NRXN1: variants seen among roughly 807,000 people sequenced by gnomAD.
The protein encoded by NRXN1 is neurexin 1.
NRXN1 carries 39 observed loss-of-function variants against 150.9 expected under a neutral mutation model. The ratio of observed to expected loss-of-function variants is 0.26; its 90% CI spans 0.20 to 0.34. The LOEUF is 0.34. NRXN1 is among the 10% of genes least tolerant of loss of function. NRXN1 has a pLI of 1.00. For missense variants in NRXN1, 1,815 were observed against 1,949.9 expected (o/e 0.93, Z 1.30); for synonymous variants, 924 against 757.0 (o/e 1.22, Z -3.62).
intron 17 of NRXN1, among the ~76,000 whole-genome samples, chr2:50,302,276 T>C (rs2074225014): frequency 6.6e-6 from 1 of 152,180 alleles, no homozygotes; most frequent in Non-Finnish European, 1.5e-5. Context: ...TTTCAACTTT[T>C]CAATAATGAA....
At chr2:50,048,006 T>C (rs892412531) in intron 21 of NRXN1, among the ~76,000 whole-genome samples, 2 of 152,108 alleles carry the variant, frequency 1.3e-5, no homozygotes, top group African/African-American at 4.8e-5. Context: ...TTTTGTCATC[T>C]AGTAAAACCT....
At chr2:50,560,660 G>A (rs1668938567) in intron 8 of NRXN1, among the ~76,000 whole-genome samples, 1 of 152,056 alleles carries the variant, frequency 6.6e-6, no homozygotes, top group Admixed American at 6.6e-5. Context: ...TCGAACTCCT[G>A]ACCTCAAGTG....
At chr2:50,225,605 G>T (rs2064297846) in intron 18 of NRXN1, among the ~76,000 whole-genome samples, 1 of 151,738 alleles carries the variant, frequency 6.6e-6, no homozygotes. Flanking sequence ...AGGCCTCAAA[G>T]ATGAATAAAA....
chr2:50,980,703 T>C (rs62142995), intron 2 of NRXN1, among the ~76,000 whole-genome samples: 20,586 of 152,082 alleles, frequency 0.14, 1,572 homozygotes, highest in Middle Eastern at 0.17. Flanking sequence ...CTAATGTAAT[T>C]TGTTAAAATG....
chr2:50,747,020 G>GTA (rs1475281010), intron 5 of NRXN1, among the ~76,000 whole-genome samples: 1 of 152,092 alleles, frequency 6.6e-6, no homozygotes, highest in Non-Finnish European at 1.5e-5. Context: ...ACTCTAAGAA[G>GTA]TATATTTAAA....
At chr2:50,143,012 T>A (rs908242552) in intron 18 of NRXN1, among the ~76,000 whole-genome samples, 8 of 151,908 alleles carry the variant, frequency 5.3e-5, no homozygotes, top group African/African-American at 1.9e-4. Context: ...ACAAAATATA[T>A]GTTTTATTTC....
chr2:49,927,763 A>T (rs1335269079), intron 22 of NRXN1, among the ~76,000 whole-genome samples: 1 of 152,178 alleles, frequency 6.6e-6, no homozygotes, highest in African/African-American at 2.4e-5. Flanking sequence ...TGACAAGTTC[A>T]CCAAGGCATT....
At chr2:50,315,967 GA>G (rs35483000) in intron 17 of NRXN1, among the ~76,000 whole-genome samples, 1 of 152,128 alleles carries the variant, frequency 6.6e-6, no homozygotes, top group Admixed American at 6.6e-5. Flanking sequence ...AGAGATCAAG[GA>G]AAAGGATTCA....
At chr2:50,694,062 G>A (rs1250723439) in intron 5 of NRXN1, among the ~76,000 whole-genome samples, 1 of 152,104 alleles carries the variant, frequency 6.6e-6, no homozygotes, top group Non-Finnish European at 1.5e-5. Flanking sequence ...CAAAGCACTG[G>A]GATTATAAGT....
chr2:50,462,278 G>A (rs1558772909), intron 17 of NRXN1, among the ~76,000 whole-genome samples: 2 of 151,664 alleles, frequency 1.3e-5, no homozygotes, highest in Non-Finnish European at 2.9e-5. Flanking sequence ...TAACTATAAG[G>A]AAAAAGTGAT....
chr2:51,023,135 C>T (rs187329641), intron 2 of NRXN1, among the ~76,000 whole-genome samples: 2 of 152,296 alleles, frequency 1.3e-5, no homozygotes, highest in East Asian at 3.9e-4. Context: ...GGGTGCTTAA[C>T]AAATGATGTT....
At chr2:50,642,921 GGT>G (rs1684276676) in intron 5 of NRXN1, among the ~76,000 whole-genome samples, 1 of 151,798 alleles carries the variant, frequency 6.6e-6, no homozygotes, top group Non-Finnish European at 1.5e-5. Context: ...AGAGGATATT[GGT>G]TCACTCAAGG....
intron 5 of NRXN1, among the ~76,000 whole-genome samples, chr2:50,680,243 C>T (rs958937554): frequency 6.6e-6 from 1 of 151,882 alleles, no homozygotes; most frequent in African/African-American, 2.4e-5. Context: ...ATATCTGATG[C>T]CTGTATGAAT....
chr2:50,015,402 T>C (rs1686410141), intron 21 of NRXN1, among the ~76,000 whole-genome samples: 1 of 150,958 alleles, frequency 6.6e-6, no homozygotes. Context: ...CATCTCACTC[T>C]AGGCACACAG....
chr2:50,696,198 G>C (rs1290680106), intron 5 of NRXN1: 2 of 151,954 alleles, frequency 1.3e-5, no homozygotes, highest in East Asian at 3.9e-4. Flanking sequence ...GTGTGTGTGT[G>C]TGTGTGTGTG....
chr2:50,200,909 A>G (rs1261075178), intron 18 of NRXN1, among the ~76,000 whole-genome samples: 4 of 152,120 alleles, frequency 2.6e-5, no homozygotes, highest in African/African-American at 9.7e-5. Context: ...TTATCAGTCA[A>G]TACTAAATAA....
chr2:50,146,861 G>A (rs1156794179), intron 18 of NRXN1, among the ~76,000 whole-genome samples: 1 of 151,452 alleles, frequency 6.6e-6, no homozygotes, highest in Non-Finnish European at 1.5e-5. Context: ...TCAGTCTTCT[G>A]GGAAGTCTTT....
At chr2:50,271,915 G>A (rs1164418174) in intron 17 of NRXN1, among the ~76,000 whole-genome samples, 3 of 152,104 alleles carry the variant, frequency 2.0e-5, no homozygotes, top group Admixed American at 1.3e-4. Flanking sequence ...ACTGAAACTT[G>A]GACCTAGGTA....
At chr2:50,541,423 G>A (rs2093386482) in intron 9 of NRXN1, among the ~76,000 whole-genome samples, 1 of 152,126 alleles carries the variant, frequency 6.6e-6, no homozygotes. Context: ...GGGCAAAACG[G>A]CTGCCAGGTG....
Sources: allele counts gnomAD v4.1 joint callset (sites outside exome capture counted in the v4.1 genomes callset), GRCh38; gene constraint gnomAD v4.1.1; transcripts MANE v1.5; gene names NCBI Gene and HGNC (gene_info 2026-07-23, HGNC 2026-07-21).